TBX18: variants seen among roughly 807,000 people sequenced by gnomAD.
The protein encoded by TBX18 is T-box transcription factor 18.
Under a neutral mutation model 55.0 loss-of-function variants are expected in TBX18, and 21 were observed. The observed-to-expected ratio is 0.38, with a 90% CI of 0.27 to 0.55. TBX18 has a LOEUF of 0.55. Among genes scored for constraint, TBX18 ranks in the 20% least tolerant of loss-of-function variants. The pLI, the probability that TBX18 is intolerant of heterozygous loss-of-function variation, is 0.73. For missense variants in TBX18, 840 were observed against 799.6 expected (o/e 1.05, Z -0.61); for synonymous variants, 342 against 326.1 (o/e 1.05, Z -0.53).
rs949988302 is a variant in TBX18, at chr6:84,732,629, A to G, written c.*4056T>C. The G allele has an allele frequency of 6.6e-6, 1 of 152,272 alleles. No homozygotes were observed. Among genetic ancestry groups the G allele is most frequent in the South Asian group, 2.1e-4 (1 of 4,824 alleles). 9.4% of individuals were successfully genotyped at this position (152,272 alleles called of 1,614,324 possible). Reference sequence around the variant, plus strand: ...AAGAGCATCATGAAAAAGAAATTTTATTAATGTCTTTTACTATTCACTATA... The same window carrying G: ...AAGAGCATCATGAAAAAGAAATTTTGTTAATGTCTTTTACTATTCACTATA... On this transcript the variant is annotated 3_prime_UTR_variant, in exon 8 of 8. Coordinates refer to ENST00000369663, the MANE Select transcript of TBX18 (RefSeq NM_001080508.3).
chr6:84,759,194 CTT>C (rs1173800309), intron 3 of TBX18, among the ~76,000 whole-genome samples: 2 of 152,070 alleles, frequency 1.3e-5, no homozygotes, highest in Non-Finnish European at 2.9e-5. Context: ...ATTAAAATAA[CTT>C]ATACACAAAA....
At chr6:84,754,433 CAT>C (rs938523094) in intron 4 of TBX18, among the ~76,000 whole-genome samples, 17 of 152,218 alleles carry the variant, frequency 1.1e-4, no homozygotes, top group South Asian at 2.1e-4. Flanking sequence ...CTGCTCCCCA[CAT>C]GTTAATGTAC....
chr6:84,752,516 G>C (rs1767377585), intron 4 of TBX18, among the ~76,000 whole-genome samples: 1 of 152,204 alleles, frequency 6.6e-6, no homozygotes, highest in African/African-American at 2.4e-5. Flanking sequence ...GCATGATGCT[G>C]TATATAATGG....
intron 4 of TBX18, among the ~76,000 whole-genome samples, chr6:84,755,567 C>T (rs1767464809): frequency 6.6e-6 from 1 of 152,130 alleles, no homozygotes; most frequent in Admixed American, 6.5e-5. Flanking sequence ...ATAAGGAAAG[C>T]CAAGGAGTAA....
chr6:84,752,641 C>A (rs1767381176), intron 4 of TBX18, among the ~76,000 whole-genome samples: 1 of 152,158 alleles, frequency 6.6e-6, no homozygotes, highest in Non-Finnish European at 1.5e-5. Context: ...AAGTGACTTG[C>A]CAACAAACAC....
intron 4 of TBX18, among the ~76,000 whole-genome samples, chr6:84,750,387 T>C (rs769293480): frequency 2.6e-5 from 4 of 151,890 alleles, no homozygotes; most frequent in Non-Finnish European, 5.9e-5. Flanking sequence ...GTGGACCCAG[T>C]AGATATTCTT....
At position 84,737,201 on chromosome 6, in the gene TBX18, C is replaced by T. The variant is rs112415001; in HGVS notation, c.1308G>A (p.Glu436=). The T allele has an allele frequency of 1.9e-5, 30 of 1,612,750 alleles. No homozygotes were observed. In the African/African-American group the frequency reaches 2.9e-4, roughly 16 times the overall value. Reference sequence around the variant, plus strand: ...CCTGGTTGGTGAGCCTGTTGTAGGTCTCTGCCAAAGATGTGCTGTATCGGT... The same window carrying T: ...CCTGGTTGGTGAGCCTGTTGTAGGTTTCTGCCAAAGATGTGCTGTATCGGT... ...TLNRYSTSLA[E]TYNRLTNQAG... is the part of the protein sequence containing the mutation. Residue 436 remains glutamate, a synonymous_variant, in exon 8 of 8, where the codon GAG becomes GAA. Coordinates refer to ENST00000369663, the MANE Select transcript of TBX18 (RefSeq NM_001080508.3).
In TBX18 at chr6:84,733,279, C is replaced by T. The variant is rs575574731; in HGVS notation, c.*3406G>A. The T allele has an allele frequency of 6.6e-6, 1 of 152,220 alleles. No individual in the cohort carries two copies. Among genetic ancestry groups the T allele is most frequent in the African/African-American group, 2.4e-5 (1 of 41,542 alleles). 9.4% of individuals were successfully genotyped at this position (152,220 alleles called of 1,614,324 possible). ...GTAATCATGTATGAGTACTTAACTG[C>T]TCATATATTTAACCTTACTCTCAAC... On this transcript the variant is annotated 3_prime_UTR_variant, in exon 8 of 8. Coordinates refer to ENST00000369663, the MANE Select transcript of TBX18 (RefSeq NM_001080508.3).
In TBX18 at chr6:84,764,373, G is replaced by A; in HGVS notation, c.-192C>T. ...CTTGTGTTGGGATCCAGGAACCGGC[G>A]ACGCGCCGGCCAAGTCTCCTTTCCT... On this transcript the variant is annotated 5_prime_UTR_variant, in exon 1 of 8. Transcript: ENST00000369663. 2 of 791,886 alleles carry A rather than the reference G, an allele frequency of 2.5e-6. No individual in the cohort carries two copies. Among genetic ancestry groups the A allele is most frequent in the Non-Finnish European group, 3.6e-6 (2 of 551,026 alleles). 49.1% of individuals were successfully genotyped at this position (791,886 alleles called of 1,614,324 possible).
Position 84,736,710 on chromosome 6 carries a change from G to T in TBX18, c.1799C>A (p.Ser600Tyr). The T allele has an allele frequency of 1.9e-6, 3 of 1,583,956 alleles. No individual in the cohort carries two copies. ...TCAGACCATATGTGCAGATACTTGA[G>T]ATGATGACAGAGTTAAGCTTCCTAG... ...RTLGSLTLSS[S>Y]QVSAHMV Residue 600 changes from serine to tyrosine, a missense_variant, in exon 8 of 8, where the codon TCT (serine) becomes TAT (tyrosine). Coordinates refer to ENST00000369663, the MANE Select transcript of TBX18 (RefSeq NM_001080508.3).
At position 84,764,316 on chromosome 6, in the gene TBX18, C is replaced by CA; in HGVS notation, c.-136dup. 8.2e-7 allele frequency: 1 copy of CA among 1,223,962 alleles called. No homozygotes were observed. 75.8% of individuals were successfully genotyped at this position (1,223,962 alleles called of 1,614,324 possible). On this transcript the variant is annotated 5_prime_UTR_variant, in exon 1 of 8. Transcript: ENST00000369663. ...GATCTGCCCCCTTCCCCACCGCGGGCAAAAAACAGATTTGGCGTTTCCGCT... is the reference window on the plus strand; with the variant it reads ...GATCTGCCCCCTTCCCCACCGCGGGCAAAAAAACAGATTTGGCGTTTCCGCT...
chr6:84,755,172 A>C (rs1432957405), intron 4 of TBX18, among the ~76,000 whole-genome samples: 2 of 152,208 alleles, frequency 1.3e-5, no homozygotes, highest in African/African-American at 4.8e-5. Flanking sequence ...TTAGTACATT[A>C]GATATTAGAT....
At chr6:84,742,083 A>G (rs556995827) in intron 6 of TBX18, 1 of 152,322 alleles carries the variant, frequency 6.6e-6, no homozygotes, top group South Asian at 2.1e-4. Context: ...AGCAAGGAAA[A>G]AAGTTGAAAC....
Position 84,763,968 on chromosome 6 carries a change from C to A in TBX18, c.214G>T (p.Gly72Cys). ...GEKGSSEGDE[G>C]AALPPPAGAT... is the part of the protein sequence containing the mutation. ...CCAGCCGGCGGCGGGAGCGCAGCGC[C>A]TTCGTCTCCCTCAGAAGAACCCTTT... The change falls in exon 1 of 8, where the codon GGC (glycine) becomes TGC (cysteine). Residue 72 changes from glycine (G) to cysteine (C), a missense_variant. Transcript: ENST00000369663. The A allele has an allele frequency of 6.3e-7, 1 of 1,580,986 alleles. No individual in the cohort carries two copies. Among genetic ancestry groups the A allele is most frequent in the Non-Finnish European group, 8.6e-7 (1 of 1,169,440 alleles).
chr6:84,742,736 T>G (rs1767077397), intron 6 of TBX18, among the ~76,000 whole-genome samples: 1 of 152,088 alleles, frequency 6.6e-6, no homozygotes, highest in Non-Finnish European at 1.5e-5. Flanking sequence ...TTCAGTGTTT[T>G]AATAAATTCC....
Position 84,756,866 on chromosome 6 carries a change from A to G in TBX18, c.603T>C (p.Tyr201=). 1 of 1,613,432 alleles carries G rather than the reference A, an allele frequency of 6.2e-7. No homozygotes were observed. Among genetic ancestry groups the G allele is most frequent in the Non-Finnish European group, 8.5e-7 (1 of 1,179,554 alleles). Residue 201 remains tyrosine, a synonymous_variant, in exon 4 of 8, where the codon TAT becomes TAC. Transcript: ENST00000369663. ...IVPVDNKRYR[Y]VYHSSKWMVA... ...CCATCCATTTCGAACTGTGGTAAACATACCTAGAAGGCAATGACCAGGCGT... is the reference window on the plus strand; with the variant it reads ...CCATCCATTTCGAACTGTGGTAAACGTACCTAGAAGGCAATGACCAGGCGT...
At chr6:84,754,814 C>G (rs143788703) in intron 4 of TBX18, among the ~76,000 whole-genome samples, 16 of 152,164 alleles carry the variant, frequency 1.1e-4, no homozygotes, top group African/African-American at 3.9e-4. Context: ...TTCATCCAAT[C>G]AGTTGAAGAC....
At chr6:84,758,243 C>T (rs1767547929) in intron 3 of TBX18, among the ~76,000 whole-genome samples, 1 of 151,714 alleles carries the variant, frequency 6.6e-6, no homozygotes. Context: ...CCAGTCTCTA[C>T]TAAAAATACA....
intron 5 of TBX18, among the ~76,000 whole-genome samples, chr6:84,746,460 T>C (rs1767192204): frequency 6.8e-6 from 1 of 147,060 alleles, no homozygotes; most frequent in African/African-American, 2.5e-5. Flanking sequence ...TCGTATATTA[T>C]ATATTATTGT....
Sources: allele counts gnomAD v4.1 joint callset (sites outside exome capture counted in the v4.1 genomes callset), GRCh38; gene constraint gnomAD v4.1.1; transcripts MANE v1.5; gene names NCBI Gene and HGNC (gene_info 2026-07-23, HGNC 2026-07-21).